Variants in ST3GAL2 observed in about 807,000 individuals in gnomAD.
ST3GAL2 encodes CMP-N-acetylneuraminate-beta-galactosamide-alpha-2,3-sialyltransferase 2.
ST3GAL2 carries 16 observed loss-of-function variants against 37.5 expected under a neutral mutation model. That is an observed-to-expected ratio of 0.43 (90% CI 0.29 to 0.65). ST3GAL2 has a LOEUF of 0.65. ST3GAL2 is among the 30% of genes least tolerant of loss of function. The probability of loss-of-function intolerance (pLI) is 0.17; values close to 1 mark genes in which losing one functional copy is unlikely to be tolerated. For missense variants in ST3GAL2, 383 were observed against 487.8 expected (o/e 0.79, Z 2.02); for synonymous variants, 238 against 202.9 (o/e 1.17, Z -1.47).
At chr16:70,409,361 G>T (rs1312258814) in intron 1 of ST3GAL2, among the ~76,000 whole-genome samples, 8 of 145,210 alleles carry the variant, frequency 5.5e-5, no homozygotes, top group East Asian at 2.1e-4. Context: ...TTTTTTTTTT[G>T]AGACGGAGTT....
intron 5 of ST3GAL2, 62 bp from the exon 6 acceptor site, chr16:70,382,986 G>C: frequency 1.3e-6 from 2 of 1,595,870 alleles, no homozygotes; most frequent in Non-Finnish European, 1.7e-6. Flanking sequence ...AGGCTAGACT[G>C]AGCAGCTTCT....
rs555379492 is a variant in ST3GAL2 at position 70,406,489 on chromosome 16, C to T, written c.-1003-6956G>A. On this transcript the variant is annotated intron_variant, in intron 1 of 6. Transcript: ENST00000342907. Reference sequence around the variant, plus strand: ...TTATGCCACTGCACTCCAGCCTGGGCTGGAGTGGGGGGCCAGGCACAGTGG... The same window carrying T: ...TTATGCCACTGCACTCCAGCCTGGGTTGGAGTGGGGGGCCAGGCACAGTGG... Among the ~76,000 whole-genome samples the T allele has an allele frequency of 2.8e-5, 4 of 145,056 alleles. No individual in the cohort carries two copies. In the East Asian group the frequency reaches 8.4e-4, roughly 30 times the overall value.
chr16:70,425,046 A>T (rs1482616729), intron 1 of ST3GAL2, among the ~76,000 whole-genome samples: 11 of 152,128 alleles, frequency 7.2e-5, no homozygotes, highest in Non-Finnish European at 2.9e-5. Context: ...GTTGTTAATG[A>T]TAAAGATGTC....
chr16:70,397,159 G>C (rs543756262), intron 2 of ST3GAL2, among the ~76,000 whole-genome samples: 110 of 149,702 alleles, frequency 7.3e-4, no homozygotes, highest in Middle Eastern at 3.4e-3. Flanking sequence ...TCCTGCCTCA[G>C]CCTCCTGAGT....
At chr16:70,419,253 T>C (rs1175688574) in intron 1 of ST3GAL2, among the ~76,000 whole-genome samples, 1 of 152,194 alleles carries the variant, frequency 6.6e-6, no homozygotes, top group East Asian at 1.9e-4. Flanking sequence ...AGAGGAGATA[T>C]GCTCCAGAAC....
At chr16:70,425,916 C>T (rs1177223241) in intron 1 of ST3GAL2, among the ~76,000 whole-genome samples, 1 of 152,144 alleles carries the variant, frequency 6.6e-6, no homozygotes, top group Non-Finnish European at 1.5e-5. Flanking sequence ...AGCCAGGGAA[C>T]TGCCCAGACG....
intron 1 of ST3GAL2, among the ~76,000 whole-genome samples, chr16:70,423,441 C>T (rs543294709): frequency 1.3e-5 from 2 of 152,148 alleles, no homozygotes; most frequent in South Asian, 2.1e-4. Context: ...ACCTGGGAGG[C>T]GGAGGCTGCA....
intron 1 of ST3GAL2, among the ~76,000 whole-genome samples, chr16:70,416,066 G>A (rs1335639513): frequency 6.6e-6 from 1 of 151,898 alleles, no homozygotes; most frequent in Non-Finnish European, 1.5e-5. Flanking sequence ...GTGAGCCACC[G>A]AGCCCAGCTT....
chr16:70,405,669 C>T (rs1200735571), intron 1 of ST3GAL2, among the ~76,000 whole-genome samples: 1 of 151,856 alleles, frequency 6.6e-6, no homozygotes, highest in Non-Finnish European at 1.5e-5. Context: ...TACCAGTTGC[C>T]AGGGGCTGGA....
intron 4 of ST3GAL2, among the ~76,000 whole-genome samples, chr16:70,384,932 C>T (rs2047431872): frequency 6.6e-6 from 1 of 151,626 alleles, no homozygotes; most frequent in Admixed American, 6.6e-5. Context: ...TCGCTTGAAC[C>T]CAGGAGGCAG....
intron 1 of ST3GAL2, among the ~76,000 whole-genome samples, chr16:70,435,964 A>G (rs1376976892): frequency 6.7e-6 from 1 of 149,824 alleles, no homozygotes; most frequent in African/African-American, 2.5e-5. Context: ...CATCTCTACT[A>G]CAAATACAAA....
intron 1 of ST3GAL2, among the ~76,000 whole-genome samples, chr16:70,412,146 A>G (rs1279176940): frequency 6.6e-6 from 1 of 152,204 alleles, no homozygotes; most frequent in Non-Finnish European, 1.5e-5. Context: ...AAAGGTCTGT[A>G]GGTGATAAAA....
chr16:70,410,808 G>GTTTT (rs35994886), intron 1 of ST3GAL2, among the ~76,000 whole-genome samples: 4 of 103,194 alleles, frequency 3.9e-5, no homozygotes, highest in Non-Finnish European at 5.7e-5. Flanking sequence ...TTTAGATCCT[G>GTTTT]TTTTTTTTTT....
In ST3GAL2 at chr16:70,377,431, CAT is replaced by C. The variant is rs1408353814; in HGVS notation, c.*4256_*4257del. 4 of 138,606 alleles carry C rather than the reference CAT, an allele frequency of 2.9e-5. No homozygotes were observed. The Admixed American group carries it at 3.0e-4, about 11-fold the overall frequency. 8.6% of individuals were successfully genotyped at this position (138,606 alleles called of 1,614,324 possible). A position where few individuals can be genotyped will look rare whatever the true frequency, so the allele number is the denominator to read the frequency against. On this transcript the variant is annotated 3_prime_UTR_variant, in exon 7 of 7. Coordinates refer to ENST00000342907, the MANE Select transcript of ST3GAL2 (RefSeq NM_006927.4). The stretch of plus-strand genomic sequence containing the variant: ...GGAGGCGGAGCTTGCAGTGAGCGGA[CAT>C]AGCACCACTGCATTCCAGCCTGGGC...
At chr16:70,427,644 G>C (rs2047760983) in intron 1 of ST3GAL2, among the ~76,000 whole-genome samples, 1 of 152,106 alleles carries the variant, frequency 6.6e-6, no homozygotes, top group Admixed American at 6.5e-5. Context: ...GCCAAACCCA[G>C]TATTCTTTCT....
Position 70,398,468 on chromosome 16 carries a change from G to A in ST3GAL2, c.63C>T (p.Ser21=). ...TGTGGTGCGAGTAGGTGAAGAGCAG[G>A]GACATGATGAACACCAGCAGGAAGG... ...SVAFLLVFIM[S]LLFTYSHHSM... is the part of the protein sequence containing the mutation. The change falls in exon 2 of 7, where the codon TCC becomes TCT. Residue 21 remains serine (S), a synonymous_variant. Transcript: ENST00000342907. 1 of 1,613,538 alleles carries A rather than the reference G, an allele frequency of 6.2e-7. No individual in the cohort carries two copies. Among genetic ancestry groups the A allele is most frequent in the Non-Finnish European group, 8.5e-7 (1 of 1,180,002 alleles).
intron 1 of ST3GAL2, 67 bp downstream of exon 1, chr16:70,438,882 G>A (rs2047846861): frequency 6.6e-6 from 1 of 152,132 alleles, no homozygotes; most frequent in Admixed American, 6.6e-5. Flanking sequence ...GCCCGCGCAG[G>A]GGAGGTCTGG....
At chr16:70,394,345 C>T (rs1414936388) in intron 3 of ST3GAL2, among the ~76,000 whole-genome samples, 1 of 152,170 alleles carries the variant, frequency 6.6e-6, no homozygotes, top group Non-Finnish European at 1.5e-5. Flanking sequence ...TGCCCAGCTG[C>T]TGAGGGGATG....
rs1304578340 is a variant in ST3GAL2, at chr16:70,378,894, C to G, written c.*2795G>C. 6.6e-6 allele frequency: 1 copy of G among 151,532 alleles called. No individual in the cohort carries two copies. Among genetic ancestry groups the G allele is most frequent in the Non-Finnish European group, 1.5e-5 (1 of 68,012 alleles). The allele number at this position is 151,532 out of a possible 1,614,324, so 9.4% of individuals were successfully genotyped here. On this transcript the variant is annotated 3_prime_UTR_variant, in exon 7 of 7. Coordinates refer to ENST00000342907, the MANE Select transcript of ST3GAL2 (RefSeq NM_006927.4). ...CCTGTAATCCCAGCTACTCCCTACT[C>G]TCCTGAGGCAGAAGAATCGCTTGAA... is the stretch of plus-strand genomic sequence containing the variant.
Sources: allele counts gnomAD v4.1 joint callset (sites outside exome capture counted in the v4.1 genomes callset), GRCh38; gene constraint gnomAD v4.1.1; transcripts MANE v1.5; gene names NCBI Gene and HGNC (gene_info 2026-07-23, HGNC 2026-07-21).